RBMS3: variants seen among roughly 807,000 people sequenced by gnomAD.
RBMS3 encodes the protein RNA-binding motif, single-stranded-interacting protein 3.
In RBMS3, 27 loss-of-function variants were observed where a neutral mutation model predicts 66.8. That is an observed-to-expected ratio of 0.40 (90% CI 0.30 to 0.56). The LOEUF (loss-of-function observed/expected upper bound fraction) is 0.56, where lower values mean the gene tolerates loss of function less well. RBMS3 is among the 20% of genes least tolerant of loss of function. RBMS3 has a pLI of 0.40. For synonymous variants in RBMS3, 188 were observed against 183.0 expected, an observed-to-expected ratio of 1.03 and a Z score of -0.22; for missense variants, 513 against 549.5, an observed-to-expected ratio of 0.93 and a Z score of 0.66.
intron 6 of RBMS3, among the ~76,000 whole-genome samples, chr3:29,842,629 C>A (rs747803974): frequency 1.3e-5 from 2 of 152,140 alleles, no homozygotes; most frequent in Non-Finnish European, 2.9e-5. Context: ...ATGTCGTAAT[C>A]TCCAGAACGT....
intron 1 of RBMS3, among the ~76,000 whole-genome samples, chr3:29,287,385 C>T (rs530138455): frequency 6.6e-6 from 1 of 152,124 alleles, no homozygotes; most frequent in Admixed American, 6.6e-5. Flanking sequence ...TTTTTTACTA[C>T]TTTAATTTAT....
At chr3:29,659,876 T>C (rs936406754) in intron 4 of RBMS3, among the ~76,000 whole-genome samples, 17 of 152,196 alleles carry the variant, frequency 1.1e-4, no homozygotes, top group Non-Finnish European at 2.2e-4. Context: ...CTTATTTCTC[T>C]ACATCCTCAT....
chr3:29,422,641 C>T (rs2125704473), intron 1 of RBMS3, among the ~76,000 whole-genome samples: 1 of 151,992 alleles, frequency 6.6e-6, no homozygotes, highest in Admixed American at 6.5e-5. Context: ...GCCTAATATT[C>T]ATTTTATCAT....
intron 3 of RBMS3, among the ~76,000 whole-genome samples, chr3:29,556,979 C>T (rs1051139114): frequency 6.6e-6 from 1 of 152,142 alleles, no homozygotes; most frequent in African/African-American, 2.4e-5. Context: ...CCAAAACCAC[C>T]CTCCATGAAA....
At chr3:29,906,206 T>C (rs191562119) in intron 10 of RBMS3, among the ~76,000 whole-genome samples, 95 of 152,230 alleles carry the variant, frequency 6.2e-4, no homozygotes, top group African/African-American at 2.1e-3. Context: ...TTATATGTTT[T>C]AGTTTTTTGC....
intron 3 of RBMS3, among the ~76,000 whole-genome samples, chr3:29,524,415 ATTTTTTTTTTTTTTTTTTTT>A (rs1222102515): frequency 1.8e-5 from 1 of 57,074 alleles, no homozygotes; most frequent in Non-Finnish European, 3.1e-5. Context: ...CTCCCTTTAC[ATTTTTTTTTTTTTTTTTTTT>A]TTTTTTTTTG....
intron 4 of RBMS3, among the ~76,000 whole-genome samples, chr3:29,736,001 G>A (rs1053306010): frequency 2.6e-5 from 4 of 152,112 alleles, no homozygotes; most frequent in East Asian, 1.9e-4. Context: ...AAACTTTTCC[G>A]GAAAATTAAA....
intron 4 of RBMS3, among the ~76,000 whole-genome samples, chr3:29,621,768 GA>G (rs2048872626): frequency 6.8e-6 from 1 of 147,686 alleles, no homozygotes; most frequent in African/African-American, 2.5e-5. Context: ...TTAAACAACA[GA>G]AAAAAAAGGA....
intron 1 of RBMS3, among the ~76,000 whole-genome samples, chr3:29,423,361 T>A (rs1304777785): frequency 6.6e-6 from 1 of 152,206 alleles, no homozygotes; most frequent in Admixed American, 6.5e-5. Context: ...TCAAATTATA[T>A]TTTTACTTCC....
At chr3:29,572,711 T>C (rs555087976) in intron 3 of RBMS3, among the ~76,000 whole-genome samples, 15 of 152,340 alleles carry the variant, frequency 9.8e-5, no homozygotes, top group Middle Eastern at 3.4e-3. Context: ...TAATCAGAGA[T>C]ATTGGCCTGT....
chr3:29,434,328 G>C (rs999252167), intron 1 of RBMS3, among the ~76,000 whole-genome samples: 1 of 152,162 alleles, frequency 6.6e-6, no homozygotes, highest in Non-Finnish European at 1.5e-5. Flanking sequence ...GAAAAGGAGG[G>C]AACAAGGTAA....
At chr3:29,474,158 TA>T (rs1410187834) in intron 2 of RBMS3, among the ~76,000 whole-genome samples, 1 of 152,260 alleles carries the variant, frequency 6.6e-6, no homozygotes, top group Non-Finnish European at 1.5e-5. Context: ...TCTAATACAT[TA>T]GTTTACATAA....
At chr3:29,753,661 TAA>T (rs922709219) in intron 5 of RBMS3, among the ~76,000 whole-genome samples, 63 of 152,306 alleles carry the variant, frequency 4.1e-4, no homozygotes, top group African/African-American at 1.5e-3. Flanking sequence ...CCCTAAAAGC[TAA>T]AGAGGTCAGT....
intron 4 of RBMS3, among the ~76,000 whole-genome samples, chr3:29,709,738 T>C (rs2053076692): frequency 6.6e-6 from 1 of 152,188 alleles, no homozygotes; most frequent in Non-Finnish European, 1.5e-5. Context: ...CAAAGGCCTA[T>C]ATAATGCACA....
intron 6 of RBMS3, among the ~76,000 whole-genome samples, chr3:29,809,096 A>G (rs931148874): frequency 1.3e-5 from 2 of 151,988 alleles, no homozygotes; most frequent in African/African-American, 4.8e-5. Context: ...TTTATTTCAT[A>G]ACAGTCAATG....
At chr3:29,307,143 A>G (rs1375034196) in intron 1 of RBMS3, among the ~76,000 whole-genome samples, 1 of 151,894 alleles carries the variant, frequency 6.6e-6, no homozygotes, top group Non-Finnish European at 1.5e-5. Flanking sequence ...AGGCAGCTTT[A>G]ATTCTGTCCT....
intron 1 of RBMS3, among the ~76,000 whole-genome samples, chr3:29,419,131 GCCAAGAAGCAATCTCCTATACT>G (rs2040597987): frequency 6.6e-6 from 1 of 152,096 alleles, no homozygotes; most frequent in Admixed American, 6.5e-5. Flanking sequence ...TGATCAAAAG[GCCAAGAAGCAATCTCCTATACT>G]CTTAATACAG....
rs564961832 is a variant in RBMS3, at chr3:29,395,542, A to G, written c.76-39201A>G. ...GAGAGTGCTATGATGCTTCTCCATC[A>G]TTGTCATTAGAGCTACATTTAAGCA... is the stretch of plus-strand genomic sequence containing the variant. On this transcript the variant is annotated intron_variant, in intron 1 of 14. Transcript: ENST00000383767. Among the ~76,000 whole-genome samples the G allele has an allele frequency of 7.2e-5, 11 of 152,336 alleles. No individual in the cohort carries two copies. In the East Asian group the frequency reaches 1.9e-3, roughly 27 times the overall value.
chr3:29,898,532 C>T (rs1249497719), intron 9 of RBMS3, among the ~76,000 whole-genome samples: 2 of 151,570 alleles, frequency 1.3e-5, no homozygotes, highest in African/African-American at 2.4e-5. Context: ...TTAACTGATT[C>T]CCCCCAAAGC....
Sources: allele counts gnomAD v4.1 joint callset (sites outside exome capture counted in the v4.1 genomes callset), GRCh38; gene constraint gnomAD v4.1.1; transcripts MANE v1.5; gene names NCBI Gene and HGNC (gene_info 2026-07-23, HGNC 2026-07-21).